Variants in EDIL3 observed in about 807,000 individuals in gnomAD.
EDIL3 encodes EGF-like repeat and discoidin I-like domain-containing protein 3.
Under a neutral mutation model 67.4 loss-of-function variants are expected in EDIL3, and 37 were observed. That is an observed-to-expected ratio of 0.55 (90% CI 0.42 to 0.72). The LOEUF (loss-of-function observed/expected upper bound fraction) is 0.72. EDIL3 is among the 30% of genes least tolerant of loss of function. The pLI is 0.00. For synonymous variants in EDIL3, 195 were observed against 196.3 expected (o/e 0.99, Z 0.05); for missense variants, 527 against 586.3 (o/e 0.90, Z 1.04).
Position 84,378,027 on chromosome 5 carries a change from T to C in EDIL3, c.67+6281A>G, listed in dbSNP as rs908079259. Reference sequence around the variant, plus strand: ...AATATAACCAAATAATTGCAGGACATTTTATCTACATTGTAAGGTCTACTT... The same window carrying C: ...AATATAACCAAATAATTGCAGGACACTTTATCTACATTGTAAGGTCTACTT... On this transcript the variant is annotated intron_variant, in intron 1 of 10. Transcript: ENST00000296591. Among the ~76,000 whole-genome samples, 10 of 152,330 alleles carry C rather than the reference T, an allele frequency of 6.6e-5. 1 individual carries two copies. The highest frequency in any genetic ancestry group is 4.1e-4 in the South Asian group (2 of 4,828).
intron 1 of EDIL3, 84 bp from the exon 2 acceptor site, chr5:84,254,296 TC>T (rs1745087887): frequency 7.0e-7 from 1 of 1,429,172 alleles, no homozygotes; most frequent in Non-Finnish European, 9.3e-7. Context: ...CTATGGATGT[TC>T]CCTTGGCAAA....
chr5:84,015,975 A>T (rs1318745596), intron 9 of EDIL3, among the ~76,000 whole-genome samples: 1 of 152,042 alleles, frequency 6.6e-6, no homozygotes, highest in Admixed American at 6.6e-5. Context: ...TGTAGTACAG[A>T]TCCTCTCATC....
intron 9 of EDIL3, among the ~76,000 whole-genome samples, chr5:83,986,327 T>C (rs896688209): frequency 6.6e-6 from 1 of 152,114 alleles, no homozygotes; most frequent in Non-Finnish European, 1.5e-5. Context: ...CTTTATGGTG[T>C]AGAACTAAAA....
At chr5:84,154,740 C>T (rs1299041116) in intron 4 of EDIL3, among the ~76,000 whole-genome samples, 1 of 139,510 alleles carries the variant, frequency 7.2e-6, no homozygotes, top group Non-Finnish European at 1.5e-5. Flanking sequence ...CCCTCTGTTG[C>T]CCAGGCTGAA....
chr5:84,378,227 C>T (rs549271996), intron 1 of EDIL3, among the ~76,000 whole-genome samples: 1 of 152,182 alleles, frequency 6.6e-6, no homozygotes, highest in East Asian at 1.9e-4. Flanking sequence ...ACATTTTTGA[C>T]CAAGTCTTTT....
intron 3 of EDIL3, among the ~76,000 whole-genome samples, chr5:84,226,989 T>C (rs1409688949): frequency 1.3e-5 from 2 of 151,912 alleles, no homozygotes; most frequent in Non-Finnish European, 1.5e-5. Context: ...TAGCATACAC[T>C]GGGTTACAAT....
At chr5:83,982,768 A>G (rs1382097545) in intron 9 of EDIL3, among the ~76,000 whole-genome samples, 1 of 152,134 alleles carries the variant, frequency 6.6e-6, no homozygotes, top group Admixed American at 6.6e-5. Flanking sequence ...ACAGTGTTAC[A>G]ATTCAGGGAG....
rs1309840020 is a variant in EDIL3, at chr5:84,369,812, T to C, written c.67+14496A>G. Among the ~76,000 whole-genome samples, 3 of 152,220 alleles carry C rather than the reference T, an allele frequency of 2.0e-5. No individual in the cohort carries two copies. The South Asian group carries it at 6.2e-4, about 31-fold the overall frequency. On this transcript the variant is annotated intron_variant, in intron 1 of 10. Transcript: ENST00000296591. ...AATTAAACCCCCAAACGCTGTATGATATGATCCATTTTATGGTTAAACATA... is the reference window on the plus strand; with the variant it reads ...AATTAAACCCCCAAACGCTGTATGACATGATCCATTTTATGGTTAAACATA...
intron 3 of EDIL3, among the ~76,000 whole-genome samples, chr5:84,197,530 G>A (rs376269296): frequency 2.6e-5 from 4 of 151,926 alleles, no homozygotes; most frequent in South Asian, 4.1e-4. Flanking sequence ...GTGGTGGCAC[G>A]CGCCTGTATT....
At position 83,941,884 on chromosome 5, in the gene EDIL3, T is replaced by C. The variant is rs897022412; in HGVS notation, c.*1535A>G. 1 of 151,998 alleles carries C rather than the reference T, an allele frequency of 6.6e-6. No individual in the cohort carries two copies. The highest frequency in any genetic ancestry group is 1.5e-5 in the Non-Finnish European group (1 of 67,926). 9.4% of individuals were successfully genotyped at this position (151,998 alleles called of 1,614,324 possible). ...CACTATGATTGAAGACCACTCCATA[T>C]ATACATCATTAAGAAATGCTGTTAA... On this transcript the variant is annotated 3_prime_UTR_variant, in exon 11 of 11. Transcript: ENST00000296591.
At chr5:84,157,431 A>T (rs1248746894) in intron 4 of EDIL3, among the ~76,000 whole-genome samples, 1 of 152,094 alleles carries the variant, frequency 6.6e-6, no homozygotes, top group Non-Finnish European at 1.5e-5. Context: ...ATAAAGAATC[A>T]ATATAAAGAG....
intron 6 of EDIL3, among the ~76,000 whole-genome samples, chr5:84,085,587 G>C (rs1747055111): frequency 6.6e-6 from 1 of 152,168 alleles, no homozygotes; most frequent in Non-Finnish European, 1.5e-5. Context: ...ACGCCAGCCA[G>C]AGCTCTCCTG....
intron 3 of EDIL3, among the ~76,000 whole-genome samples, chr5:84,221,852 C>T (rs538195874): frequency 6.6e-6 from 1 of 151,850 alleles, no homozygotes; most frequent in East Asian, 1.9e-4. Flanking sequence ...ATGTATAAAA[C>T]AAGAGATAAA....
At chr5:84,174,062 C>CTGCTT (rs906074340) in intron 4 of EDIL3, among the ~76,000 whole-genome samples, 37 of 152,072 alleles carry the variant, frequency 2.4e-4, no homozygotes, top group African/African-American at 8.7e-4. Flanking sequence ...GATGAGGGGC[C>CTGCTT]CATCAGGGTG....
chr5:84,187,292 C>A (rs1434027485), intron 3 of EDIL3, among the ~76,000 whole-genome samples: 1 of 152,052 alleles, frequency 6.6e-6, no homozygotes, highest in African/African-American at 2.4e-5. Context: ...CTGCATCTAT[C>A]TCCTCACAAT....
chr5:84,072,731 C>T (rs550369944), intron 6 of EDIL3, among the ~76,000 whole-genome samples: 1 of 151,974 alleles, frequency 6.6e-6, no homozygotes, highest in African/African-American at 2.4e-5. Flanking sequence ...AAATAGGCAT[C>T]TAAGTAATTT....
chr5:84,160,736 T>C (rs1383478015), intron 4 of EDIL3, among the ~76,000 whole-genome samples: 4 of 123,838 alleles, frequency 3.2e-5, no homozygotes, highest in African/African-American at 1.1e-4. Context: ...CTTTTTTTTC[T>C]TTTCTTTTCT....
chr5:84,311,090 A>G (rs1746377372), intron 1 of EDIL3, among the ~76,000 whole-genome samples: 1 of 151,634 alleles, frequency 6.6e-6, no homozygotes, highest in Admixed American at 6.6e-5. Context: ...ATGCCAATTT[A>G]TTTACTCTTC....
chr5:84,308,727 T>C (rs1746322487), intron 1 of EDIL3, among the ~76,000 whole-genome samples: 1 of 152,206 alleles, frequency 6.6e-6, no homozygotes, highest in Non-Finnish European at 1.5e-5. Flanking sequence ...GTCATAATGT[T>C]ATGTGTAAAA....
Sources: gnomAD v4.1 joint callset for allele counts (sites outside exome capture counted in the v4.1 genomes callset) on GRCh38, gnomAD v4.1.1 for gene constraint, MANE v1.5 for transcripts, NCBI Gene and HGNC (gene_info 2026-07-23, HGNC 2026-07-21) for gene names.